KIDINS220: variants seen among roughly 807,000 people sequenced by gnomAD.
The protein encoded by KIDINS220 is kinase D-interacting substrate of 220 kDa.
KIDINS220 carries 63 observed loss-of-function variants against 157.6 expected under a neutral mutation model. The observed-to-expected ratio is 0.40, with a 90% CI of 0.33 to 0.49. KIDINS220 has a LOEUF of 0.49. Ranked by LOEUF, KIDINS220 falls within the 20% of genes least tolerant of loss-of-function variation. The probability of loss-of-function intolerance (pLI) is 0.66; values close to 1 mark genes in which losing one functional copy is unlikely to be tolerated. For synonymous variants in KIDINS220, 732 were observed against 783.6 expected (o/e 0.93, Z 1.10); for missense variants, 1,772 against 2,171.2 (o/e 0.82, Z 3.65).
At chr2:8,794,417 A>G (rs1478003483) in intron 11 of KIDINS220, 3 of 155,386 alleles carry the variant, frequency 1.9e-5, no homozygotes, top group African/African-American at 7.2e-5. Flanking sequence ...AGAAAGCGTT[A>G]CAATCCATGC....
chr2:8,740,208 G>A (rs1665432960), intron 26 of KIDINS220: 4 of 977,554 alleles, frequency 4.1e-6, no homozygotes, highest in Non-Finnish European at 4.9e-6. Context: ...ATAAAACACA[G>A]TGAAGGACAA....
At chr2:8,754,887 A>C (rs1367146040) in intron 22 of KIDINS220, among the ~76,000 whole-genome samples, 1 of 152,238 alleles carries the variant, frequency 6.6e-6, no homozygotes, top group East Asian at 1.9e-4. Context: ...GTTAAAAAAT[A>C]AGACACAATT....
At chr2:8,812,541 GGAAA>G (rs780683690) in intron 5 of KIDINS220, 48 bp from the exon 6 acceptor site, 6 of 1,079,874 alleles carry the variant, frequency 5.6e-6, no homozygotes, top group South Asian at 1.8e-5. Context: ...TAGGAAGGAA[GGAAA>G]GAAAGAAAGG....
rs114631069 is a variant in KIDINS220 at position 8,738,842 on chromosome 2, A to T, written c.3586-1843T>A. ...TAGTTAATAGTATTATGCCAATTTT[A>T]ATTTTTGCTTTTGATTATTATACTA... On this transcript the variant is annotated intron_variant, in intron 26 of 29. Transcript: ENST00000256707. Among the ~76,000 whole-genome samples, 785 of 152,320 alleles carry T rather than the reference A, an allele frequency of 5.2e-3. 7 individuals are homozygous for T. Among genetic ancestry groups the T allele is most frequent in the African/African-American group, 0.018 (749 of 41,568 alleles).
intron 8 of KIDINS220, among the ~76,000 whole-genome samples, chr2:8,802,407 A>G (rs1370612914): frequency 2.0e-5 from 3 of 152,220 alleles, no homozygotes; most frequent in South Asian, 2.1e-4. Flanking sequence ...GTTTTGGAGT[A>G]AAGTCAACAA....
chr2:8,784,528 T>C (rs577858052), intron 17 of KIDINS220, among the ~76,000 whole-genome samples: 2 of 152,234 alleles, frequency 1.3e-5, no homozygotes, highest in African/African-American at 4.8e-5. Context: ...TAAAGGACCA[T>C]TAGCCAAAAT....
At chr2:8,801,688 T>G (rs1674723497) in intron 8 of KIDINS220, among the ~76,000 whole-genome samples, 1 of 152,200 alleles carries the variant, frequency 6.6e-6, no homozygotes, top group African/African-American at 2.4e-5. Flanking sequence ...GAGAAATCAC[T>G]TGAGGCCAGG....
intron 25 of KIDINS220, 146 bp downstream of exon 25, chr2:8,747,741 C>T (rs1032562004): frequency 1.2e-5 from 5 of 433,130 alleles, no homozygotes; most frequent in Non-Finnish European, 1.6e-5. Context: ...AAAATAAATA[C>T]ATTTTATGTT....
chr2:8,830,533 C>G (rs372311792), intron 1 of KIDINS220, among the ~76,000 whole-genome samples: 3 of 152,334 alleles, frequency 2.0e-5, no homozygotes, highest in South Asian at 4.1e-4. Context: ...ATCCTCCCAC[C>G]TCAGCCTCCT....
At chr2:8,804,996 C>CA (rs1470359824) in intron 7 of KIDINS220, among the ~76,000 whole-genome samples, 11 of 152,190 alleles carry the variant, frequency 7.2e-5, no homozygotes, top group Admixed American at 6.5e-4. Context: ...GGAGCTCCCA[C>CA]AACCCCCTCC....
Position 8,827,104 on chromosome 2 carries a change from AGCT to A in KIDINS220, c.-14_-12del, listed in dbSNP as rs774194076. On this transcript the variant is annotated 5_prime_UTR_variant, in exon 2 of 30. Coordinates refer to ENST00000256707, the MANE Select transcript of KIDINS220 (RefSeq NM_020738.4). Reference sequence around the variant, plus strand: ...TATCAAAACTGACATTTTCACAGAAAGCTGCAATTAACTTTATTTGAATACCTG... The same window carrying A: ...TATCAAAACTGACATTTTCACAGAAAGCAATTAACTTTATTTGAATACCTG... 6.8e-7 allele frequency: 1 copy of A among 1,463,600 alleles called. No individual in the cohort carries two copies. Among genetic ancestry groups the A allele is most frequent in the Non-Finnish European group, 9.5e-7 (1 of 1,055,002 alleles). The allele number at this position is 1,463,600 out of a possible 1,614,324, so 90.7% of individuals were successfully genotyped here.
chr2:8,808,316 G>A (rs1675801016), intron 6 of KIDINS220, among the ~76,000 whole-genome samples: 1 of 152,088 alleles, frequency 6.6e-6, no homozygotes, highest in Non-Finnish European at 1.5e-5. Context: ...AATACACATA[G>A]AAAATCACCC....
At chr2:8,751,684 C>A (rs1479070289) in intron 22 of KIDINS220, 40 bp from the exon 23 acceptor site, 1 of 1,394,378 alleles carries the variant, frequency 7.2e-7, no homozygotes, top group Non-Finnish European at 1.0e-6. Context: ...ATTAATGTCA[C>A]TATTAGAAAG....
Position 8,731,862 on chromosome 2 carries a change from C to T in KIDINS220, c.4174G>A (p.Ala1392Thr), listed in dbSNP as rs775077777. Residue 1392 changes from alanine to threonine, a missense_variant, in exon 30 of 30, where the codon GCT becomes ACT. Physicochemically the swap from Ala to Thr is moderately conservative, Grantham distance 58. Around this residue, in one of 3 missense-constraint regions of KIDINS220, gnomAD observed 793 missense variants for 885.5 expected, o/e 0.90. Transcript: ENST00000256707. The surrounding 1 kb of genome is among the most constrained non-coding windows in gnomAD (Gnocchi z 5.2). ...CCCCCTTCTAACTGGGACATCTGAG[C>T]AATGTATTCTCTATAGGCATCTCTA... ...EYRDAYREYIAQMSQLEGGPG... is the reference protein window; with the variant it reads ...EYRDAYREYITQMSQLEGGPG... The T allele has an allele frequency of 6.2e-7, 1 of 1,614,118 alleles. No homozygotes were observed. Among genetic ancestry groups the T allele is most frequent in the Non-Finnish European group, 8.5e-7 (1 of 1,180,020 alleles).
At chr2:8,734,573 T>C (rs1572417390) in intron 28 of KIDINS220, 82 bp downstream of exon 28, 1 of 1,002,414 alleles carries the variant, frequency 1.0e-6, no homozygotes, top group East Asian at 2.6e-5. Flanking sequence ...TTATTGATAC[T>C]GGTTTTCTAC....
chr2:8,750,074 C>A (rs1558339830), intron 24 of KIDINS220, 38 bp downstream of exon 24: 2 of 1,567,402 alleles, frequency 1.3e-6, no homozygotes, highest in Middle Eastern at 1.7e-4. Context: ...TTCCCTGTAA[C>A]AAATTCTTAA....
intron 1 of KIDINS220, among the ~76,000 whole-genome samples, chr2:8,828,825 T>C (rs893246943): frequency 6.6e-6 from 1 of 152,248 alleles, no homozygotes; most frequent in African/African-American, 2.4e-5. Context: ...TGATATCCCA[T>C]GCCCATTCCC....
At chr2:8,752,566 A>G (rs993503680) in intron 22 of KIDINS220, among the ~76,000 whole-genome samples, 1 of 152,280 alleles carries the variant, frequency 6.6e-6, no homozygotes, top group African/African-American at 2.4e-5. Context: ...GTGGCCTCAG[A>G]CAAATTAAAC....
chr2:8,807,157 T>C lies in KIDINS220; in HGVS notation c.505-788A>G, dbSNP rs117757632. Among the ~76,000 whole-genome samples the C allele has an allele frequency of 2.0e-3, 298 of 152,304 alleles. 6 individuals are homozygous for C. In the East Asian group the frequency reaches 0.053, roughly 27 times the overall value. ...ACTGAGGCCCTAAGAGGTTAATTCA[T>C]AGGCAAAGGTCACAAAGCTATCAAG... is the stretch of plus-strand genomic sequence containing the variant. On this transcript the variant is annotated intron_variant, in intron 6 of 29. Transcript: ENST00000256707.
Sources: allele counts gnomAD v4.1 joint callset (sites outside exome capture counted in the v4.1 genomes callset), GRCh38; gene constraint gnomAD v4.1.1; regional missense constraint gnomAD v4.1.1; non-coding constraint Gnocchi (gnomAD v3.1); transcripts MANE v1.5; gene names NCBI Gene and HGNC (gene_info 2026-07-23, HGNC 2026-07-21).